Variants in CCDC192 observed in about 807,000 individuals in gnomAD.
The protein encoded by CCDC192 is coiled-coil domain-containing protein 192.
intron 2 of CCDC192, among the ~76,000 whole-genome samples, chr5:127,726,825 C>A (rs1359527616): frequency 6.6e-6 from 1 of 152,210 alleles, no homozygotes. Context: ...CCCTTGCTGG[C>A]TCTGAGGAAT....
At chr5:127,932,489 C>T (rs896239914) in intron 6 of CCDC192, among the ~76,000 whole-genome samples, 10 of 152,120 alleles carry the variant, frequency 6.6e-5, no homozygotes, top group Non-Finnish European at 1.3e-4. Context: ...CAGGCATGAG[C>T]CACCATGCCC....
intron 6 of CCDC192, among the ~76,000 whole-genome samples, chr5:127,914,393 A>G (rs761480943): frequency 3.3e-5 from 5 of 152,188 alleles, no homozygotes; most frequent in Non-Finnish European, 7.3e-5. Flanking sequence ...CTGGGACAAT[A>G]TTCTAGTATC....
intron 2 of CCDC192, among the ~76,000 whole-genome samples, chr5:127,713,232 C>T (rs1312059137): frequency 2.7e-5 from 4 of 149,298 alleles, no homozygotes; most frequent in Non-Finnish European, 5.9e-5. Flanking sequence ...GAAACTCTAT[C>T]TCAAAAAAAA....
chr5:127,777,076 T>C (rs111544635), intron 3 of CCDC192, among the ~76,000 whole-genome samples: 24,579 of 152,124 alleles, frequency 0.16, 4,467 homozygotes, highest in African/African-American at 0.43. Flanking sequence ...GTCCTCCAGA[T>C]CCCTGAGTGG....
intron 5 of CCDC192, among the ~76,000 whole-genome samples, chr5:127,806,287 C>G (rs1243026051): frequency 6.6e-6 from 1 of 152,136 alleles, no homozygotes; most frequent in African/African-American, 2.4e-5. Context: ...CACAAGGACC[C>G]TGGCTGGCAC....
intron 5 of CCDC192, among the ~76,000 whole-genome samples, chr5:127,863,297 A>G (rs1751452380): frequency 1.3e-5 from 2 of 152,234 alleles, no homozygotes; most frequent in African/African-American, 4.8e-5. Flanking sequence ...CAATATGTAT[A>G]CATACCATGG....
chr5:127,838,176 C>G (rs1235595704), intron 5 of CCDC192, among the ~76,000 whole-genome samples: 1 of 152,204 alleles, frequency 6.6e-6, no homozygotes, highest in Non-Finnish European at 1.5e-5. Context: ...CTTTGCCTCA[C>G]TTTGTAGCCT....
At chr5:127,750,101 G>A (rs1754049833) in intron 2 of CCDC192, among the ~76,000 whole-genome samples, 1 of 152,046 alleles carries the variant, frequency 6.6e-6, no homozygotes, top group Non-Finnish European at 1.5e-5. Context: ...AGTTTTTTGT[G>A]TCTCTATTTC....
chr5:127,932,999 A>G (rs1754083160), intron 6 of CCDC192, among the ~76,000 whole-genome samples: 2 of 152,184 alleles, frequency 1.3e-5, no homozygotes, highest in Admixed American at 6.5e-5. Flanking sequence ...AGAGCTAGCC[A>G]TGTATGCCTC....
chr5:127,843,433 G>A (rs1013479212), intron 5 of CCDC192, among the ~76,000 whole-genome samples: 9 of 145,148 alleles, frequency 6.2e-5, no homozygotes, highest in Admixed American at 3.5e-4. Context: ...AATTATCCAA[G>A]AATAACTCTT....
intron 2 of CCDC192, 146 bp from the exon 3 acceptor site, chr5:127,754,122 T>C (rs1754419411): frequency 2.6e-6 from 1 of 386,670 alleles, no homozygotes; most frequent in Non-Finnish European, 4.6e-6. Context: ...TTTATTTCCA[T>C]GTTAAGAAAA....
At chr5:127,931,867 G>A (rs1297904763) in intron 6 of CCDC192, among the ~76,000 whole-genome samples, 1 of 152,068 alleles carries the variant, frequency 6.6e-6, no homozygotes, top group African/African-American at 2.4e-5. Flanking sequence ...AAAAAAGAAA[G>A]TAGGCTGGGC....
intron 5 of CCDC192, among the ~76,000 whole-genome samples, chr5:127,815,878 T>A (rs544279258): frequency 0.02 from 3,011 of 150,228 alleles, 106 homozygotes; most frequent in African/African-American, 0.071. Flanking sequence ...AAAAAAAAAA[T>A]AAAAATAAAA....
rs150229501 is a variant in CCDC192 at position 127,718,013 on chromosome 5, A to C, written c.114+10253A>C. ...TCTAAGAAGGAAGCATTATCTCCAG[A>C]AGTTCTCACTTTAATAATAAGTGCT... On this transcript the variant is annotated intron_variant, in intron 2 of 6. Transcript: ENST00000514853. Among the ~76,000 whole-genome samples, 459 of 152,098 alleles carry C rather than the reference A, an allele frequency of 3.0e-3. 3 individuals carry two copies. The highest frequency in any genetic ancestry group is 6.2e-3 in the Admixed American group (95 of 15,266).
chr5:127,811,015 C>T (rs554787543), intron 5 of CCDC192, among the ~76,000 whole-genome samples: 5 of 152,222 alleles, frequency 3.3e-5, no homozygotes, highest in African/African-American at 1.2e-4. Flanking sequence ...TAAGCTTTAA[C>T]AGAGGGTTTA....
intron 5 of CCDC192, among the ~76,000 whole-genome samples, chr5:127,826,435 A>G (rs1267668734): frequency 6.6e-6 from 1 of 152,038 alleles, no homozygotes; most frequent in Non-Finnish European, 1.5e-5. Context: ...GTTATTGGGT[A>G]TACACATCCA....
chr5:127,738,160 T>C (rs1430166988), intron 2 of CCDC192, among the ~76,000 whole-genome samples: 12 of 151,810 alleles, frequency 7.9e-5, no homozygotes, highest in Admixed American at 7.2e-4. Flanking sequence ...TGCTTGTCTG[T>C]AAAGTATTTT....
chr5:127,794,549 A>G (rs1580670015), intron 3 of CCDC192, among the ~76,000 whole-genome samples: 1 of 152,182 alleles, frequency 6.6e-6, no homozygotes, highest in African/African-American at 2.4e-5. Flanking sequence ...ATTCACCTAT[A>G]TAGTTTTGCA....
intron 5 of CCDC192, among the ~76,000 whole-genome samples, chr5:127,803,119 G>A (rs2126982966): frequency 6.6e-6 from 1 of 152,236 alleles, no homozygotes; most frequent in South Asian, 2.1e-4. Context: ...TAATGTCTTG[G>A]CTTGCTTTTA....
Sources: allele counts gnomAD v4.1 joint callset (sites outside exome capture counted in the v4.1 genomes callset), GRCh38; gene constraint gnomAD v4.1.1; transcripts MANE v1.5; gene names NCBI Gene and HGNC (gene_info 2026-07-23, HGNC 2026-07-21).